ST6GALNAC5: variants seen among roughly 807,000 people sequenced by gnomAD.
ST6GALNAC5 encodes ST6 N-acetylgalactosaminide alpha-2,6-sialyltransferase 5.
A neutral mutation model predicts 33.6 loss-of-function variants in ST6GALNAC5; 27 were observed. The ratio of observed to expected loss-of-function variants is 0.80; its 90% confidence interval spans 0.59 to 1.11. The LOEUF (loss-of-function observed/expected upper bound fraction) is 1.11, where lower values mean the gene tolerates loss of function less well. ST6GALNAC5 is among the 50% of genes least tolerant of loss of function. The pLI, the probability that ST6GALNAC5 is intolerant of heterozygous loss-of-function variation, is 0.00. For synonymous variants in ST6GALNAC5, 194 were observed against 171.2 expected (o/e 1.13, Z -1.04); for missense variants, 428 against 454.0 (o/e 0.94, Z 0.52).
chr1:77,033,796 A>C (rs1251199516), intron 2 of ST6GALNAC5, among the ~76,000 whole-genome samples: 1 of 152,138 alleles, frequency 6.6e-6, no homozygotes, highest in African/African-American at 2.4e-5. Flanking sequence ...GCCAGGCCGG[A>C]GAATAGAGAG....
intron 2 of ST6GALNAC5, among the ~76,000 whole-genome samples, chr1:76,986,190 C>T (rs566757640): frequency 2.9e-4 from 44 of 152,092 alleles, no homozygotes; most frequent in Admixed American, 1.1e-3. Context: ...AAAGAGCTTC[C>T]GCACAGCAAA....
At chr1:76,939,991 T>C (rs1647295136) in intron 2 of ST6GALNAC5, among the ~76,000 whole-genome samples, 1 of 152,082 alleles carries the variant, frequency 6.6e-6, no homozygotes. Context: ...GACTATTGAA[T>C]TGTTGATATG....
intron 2 of ST6GALNAC5, among the ~76,000 whole-genome samples, chr1:76,935,861 G>A (rs149853579): frequency 2.0e-5 from 3 of 152,124 alleles, no homozygotes; most frequent in East Asian, 1.9e-4. Flanking sequence ...GGGATACAGC[G>A]ATGAACAAAA....
chr1:76,976,442 GA>G (rs1196849745), intron 2 of ST6GALNAC5, among the ~76,000 whole-genome samples: 3 of 151,982 alleles, frequency 2.0e-5, no homozygotes, highest in African/African-American at 4.8e-5. Context: ...AAAAGAACTT[GA>G]AGATTTCCAT....
intron 2 of ST6GALNAC5, among the ~76,000 whole-genome samples, chr1:76,960,581 C>A (rs564519514): frequency 6.6e-6 from 1 of 152,038 alleles, no homozygotes; most frequent in Non-Finnish European, 1.5e-5. Flanking sequence ...AGCCTGGGAG[C>A]GATATGGGAG....
At chr1:77,001,694 C>G (rs1423191577) in intron 2 of ST6GALNAC5, among the ~76,000 whole-genome samples, 1 of 151,460 alleles carries the variant, frequency 6.6e-6, no homozygotes, top group African/African-American at 2.4e-5. Flanking sequence ...GAGTTTTTAG[C>G]ATGAAGGGTT....
intron 2 of ST6GALNAC5, among the ~76,000 whole-genome samples, chr1:76,933,829 G>T (rs1285016672): frequency 1.4e-5 from 2 of 145,948 alleles, no homozygotes; most frequent in African/African-American, 5.0e-5. Flanking sequence ...CCTCATAGAT[G>T]AGGAAAATCA....
At chr1:77,014,853 T>G (rs546904596) in intron 2 of ST6GALNAC5, among the ~76,000 whole-genome samples, 1 of 152,306 alleles carries the variant, frequency 6.6e-6, no homozygotes, top group East Asian at 1.9e-4. Context: ...TCACAAGGAT[T>G]TGCAAAGTGG....
chr1:77,041,204 C>T (rs1426020019), intron 2 of ST6GALNAC5, among the ~76,000 whole-genome samples: 2 of 152,328 alleles, frequency 1.3e-5, no homozygotes, highest in East Asian at 1.9e-4. Flanking sequence ...ATAATCCTTT[C>T]CTGGTTGTTC....
intron 2 of ST6GALNAC5, among the ~76,000 whole-genome samples, chr1:77,012,702 G>A (rs1650679829): frequency 6.6e-6 from 1 of 152,070 alleles, no homozygotes; most frequent in Non-Finnish European, 1.5e-5. Flanking sequence ...AGAAGATTAT[G>A]GGTGAATTAG....
intron 2 of ST6GALNAC5, among the ~76,000 whole-genome samples, chr1:76,961,280 A>G (rs565917274): frequency 6.6e-6 from 1 of 152,242 alleles, no homozygotes; most frequent in East Asian, 1.9e-4. Flanking sequence ...TATGGATCCA[A>G]TTAAGAATCC....
chr1:77,054,833 TA>T (rs1477086503), intron 4 of ST6GALNAC5, among the ~76,000 whole-genome samples: 13 of 152,048 alleles, frequency 8.5e-5, no homozygotes, highest in Non-Finnish European at 1.2e-4. Flanking sequence ...TTGTACCCCC[TA>T]AAAGTATTAA....
chr1:76,984,834 A>C (rs543407709), intron 2 of ST6GALNAC5, among the ~76,000 whole-genome samples: 1 of 152,368 alleles, frequency 6.6e-6, no homozygotes, highest in Non-Finnish European at 1.5e-5. Flanking sequence ...AGTCAGCTTC[A>C]TCCCTAGCAT....
chr1:76,911,911 C>T (rs148308596), intron 2 of ST6GALNAC5, among the ~76,000 whole-genome samples: 1 of 151,436 alleles, frequency 6.6e-6, no homozygotes, highest in Non-Finnish European at 1.5e-5. Context: ...GGGCTTTTTA[C>T]GTCTCTATTT....
intron 3 of ST6GALNAC5, among the ~76,000 whole-genome samples, chr1:77,048,193 T>C (rs936015808): frequency 1.8e-4 from 27 of 152,236 alleles, no homozygotes; most frequent in African/African-American, 6.0e-4. Context: ...TTACAATCTC[T>C]ACTACATCAC....
chr1:76,885,452 C>T (rs367885383), intron 2 of ST6GALNAC5, among the ~76,000 whole-genome samples: 4 of 152,200 alleles, frequency 2.6e-5, no homozygotes, highest in South Asian at 2.1e-4. Context: ...CGTGTATACA[C>T]GACATTTAAA....
chr1:76,881,196 T>G (rs1570634451), intron 2 of ST6GALNAC5, among the ~76,000 whole-genome samples: 1 of 152,280 alleles, frequency 6.6e-6, no homozygotes, highest in Non-Finnish European at 1.5e-5. Context: ...AGTCAGTGAA[T>G]TTATGATCAA....
chr1:76,913,611 T>C (rs1646937169), intron 2 of ST6GALNAC5, among the ~76,000 whole-genome samples: 1 of 152,118 alleles, frequency 6.6e-6, no homozygotes, highest in African/African-American at 2.4e-5. Context: ...GGAGGCTTTG[T>C]TCATTTCTTC....
At chr1:77,006,128 A>G (rs1028402361) in intron 2 of ST6GALNAC5, among the ~76,000 whole-genome samples, 1 of 131,462 alleles carries the variant, frequency 7.6e-6, no homozygotes, top group African/African-American at 2.4e-5. Context: ...ATTCTATAGA[A>G]ATGTGTAGTT....
Sources: allele counts gnomAD v4.1 joint callset (sites outside exome capture counted in the v4.1 genomes callset), GRCh38; gene constraint gnomAD v4.1.1; transcripts MANE v1.5; gene names NCBI Gene and HGNC (gene_info 2026-07-23, HGNC 2026-07-21).